Variants in SYN3 observed in about 807,000 individuals in gnomAD.
SYN3 encodes the protein synapsin-3.
In SYN3, 35 loss-of-function variants were observed where a neutral mutation model predicts 65.8. That is an observed-to-expected ratio of 0.53 (90% CI 0.41 to 0.70). The LOEUF is 0.70. Ranked by LOEUF, SYN3 falls within the 30% of genes least tolerant of loss-of-function variation. The probability of loss-of-function intolerance (pLI) is 0.00; values close to 1 mark genes in which losing one functional copy is unlikely to be tolerated. For synonymous variants in SYN3, 270 were observed against 292.9 expected (o/e 0.92, Z 0.80); for missense variants, 680 against 749.0 (o/e 0.91, Z 1.08).
intron 4 of SYN3, among the ~76,000 whole-genome samples, chr22:32,872,640 G>T (rs1291965313): frequency 6.6e-6 from 1 of 152,198 alleles, no homozygotes; most frequent in Admixed American, 6.5e-5. Context: ...CTTCTTGAAA[G>T]TCTAGGGTAT....
At chr22:32,940,376 T>C (rs528461616) in intron 3 of SYN3, among the ~76,000 whole-genome samples, 36 of 96,042 alleles carry the variant, frequency 3.7e-4, no homozygotes, top group African/African-American at 1.3e-3. Context: ...ATATATGAAG[T>C]ACAATTTAGT....
chr22:32,620,920 A>G (rs1341049794), intron 6 of SYN3, among the ~76,000 whole-genome samples: 1 of 146,548 alleles, frequency 6.8e-6, no homozygotes, highest in Non-Finnish European at 1.5e-5. Context: ...GGGTTTCACC[A>G]TATTGGCCAG....
chr22:32,849,268 C>T (rs554501648), intron 6 of SYN3, among the ~76,000 whole-genome samples: 55 of 152,188 alleles, frequency 3.6e-4, no homozygotes, highest in Middle Eastern at 6.8e-3. Flanking sequence ...GTTTCTTTTT[C>T]CTCCAACCTC....
intron 3 of SYN3, among the ~76,000 whole-genome samples, chr22:32,956,694 G>A (rs1342626951): frequency 6.6e-6 from 1 of 152,092 alleles, no homozygotes; most frequent in South Asian, 2.1e-4. Flanking sequence ...TGGACATCTG[G>A]GTTGTTTCCA....
intron 3 of SYN3, among the ~76,000 whole-genome samples, chr22:32,978,724 C>A (rs542991173): frequency 6.6e-6 from 1 of 152,318 alleles, no homozygotes; most frequent in East Asian, 1.9e-4. Flanking sequence ...TTCTTACTAG[C>A]TGTGTGACCT....
At chr22:33,036,872 G>C (rs562193111) in intron 1 of SYN3, among the ~76,000 whole-genome samples, 2 of 151,960 alleles carry the variant, frequency 1.3e-5, no homozygotes, top group East Asian at 3.9e-4. Flanking sequence ...TGTATTTTTA[G>C]TAGAGACGGG....
At chr22:32,873,564 C>G (rs2048908173) in intron 4 of SYN3, among the ~76,000 whole-genome samples, 1 of 152,118 alleles carries the variant, frequency 6.6e-6, no homozygotes, top group Non-Finnish European at 1.5e-5. Context: ...AGAAACAGAG[C>G]CCATGCGGAA....
At chr22:32,589,050 A>C (rs886639436) in intron 7 of SYN3, among the ~76,000 whole-genome samples, 8 of 152,164 alleles carry the variant, frequency 5.3e-5, no homozygotes, top group Admixed American at 5.2e-4. Flanking sequence ...TATAAATATG[A>C]CTGAAACACT....
intron 6 of SYN3, among the ~76,000 whole-genome samples, chr22:32,636,873 G>T (rs1217383528): frequency 6.6e-6 from 1 of 152,172 alleles, no homozygotes; most frequent in Admixed American, 6.5e-5. Flanking sequence ...AGATTAGACA[G>T]GTGGCTTTCA....
chr22:32,717,414 T>C (rs1164253238), intron 6 of SYN3, among the ~76,000 whole-genome samples: 4 of 152,218 alleles, frequency 2.6e-5, no homozygotes, highest in Middle Eastern at 3.2e-3. Flanking sequence ...GCCCCAGCCA[T>C]GGTGATCTGG....
chr22:32,558,209 G>C (rs959592587), intron 7 of SYN3, among the ~76,000 whole-genome samples: 3 of 152,212 alleles, frequency 2.0e-5, no homozygotes, highest in African/African-American at 4.8e-5. Context: ...GAGGAGTTAG[G>C]AGGAAAATTA....
intron 1 of SYN3, among the ~76,000 whole-genome samples, chr22:33,043,831 G>A (rs571912261): frequency 6.6e-6 from 1 of 152,256 alleles, no homozygotes; most frequent in African/African-American, 2.4e-5. Flanking sequence ...GAGGCAGGCA[G>A]ATCATGAGGT....
In SYN3 at chr22:32,699,578, T is replaced by G. The variant is rs560318002; in HGVS notation, c.712-102842A>C. Reference sequence around the variant, plus strand: ...GTTAGGCTCTACCATGGACTCACTGTGTGACCTTGACCAAGTCACATTGCT... The same window carrying G: ...GTTAGGCTCTACCATGGACTCACTGGGTGACCTTGACCAAGTCACATTGCT... On this transcript the variant is annotated intron_variant, in intron 6 of 13. Transcript: ENST00000358763. 6.8e-5 allele frequency among the ~76,000 whole-genome samples: 9 copies of G among 131,432 alleles called. No individual in the cohort carries two copies. The South Asian group carries it at 2.6e-3, about 37-fold the overall frequency. The allele number at this position is 131,432 out of a possible 152,430, so 86.2% of individuals were successfully genotyped here.
chr22:32,664,147 C>G (rs1416221912), intron 6 of SYN3, among the ~76,000 whole-genome samples: 1 of 152,184 alleles, frequency 6.6e-6, no homozygotes, highest in Non-Finnish European at 1.5e-5. Context: ...GTAGATAAAC[C>G]AAGACTGGTG....
chr22:32,856,430 G>C (rs2048368226), intron 6 of SYN3, among the ~76,000 whole-genome samples: 1 of 152,086 alleles, frequency 6.6e-6, no homozygotes, highest in Non-Finnish European at 1.5e-5. Flanking sequence ...GTAGATCAGT[G>C]ACCGGCCACT....
chr22:32,645,907 G>T (rs1435120618), intron 6 of SYN3, among the ~76,000 whole-genome samples: 2 of 142,122 alleles, frequency 1.4e-5, no homozygotes, highest in Admixed American at 7.1e-5. Flanking sequence ...TTTGGGGGTT[G>T]GGGTGGGGTG....
chr22:32,660,787 G>A (rs1190048795), intron 6 of SYN3, among the ~76,000 whole-genome samples: 7 of 152,320 alleles, frequency 4.6e-5, no homozygotes, highest in African/African-American at 1.7e-4. Context: ...CCCAGAGCAA[G>A]GATTAAGGGT....
intron 6 of SYN3, among the ~76,000 whole-genome samples, chr22:32,671,092 GTGA>G (rs1340422187): frequency 1.3e-5 from 2 of 152,208 alleles, no homozygotes; most frequent in Non-Finnish European, 1.5e-5. Flanking sequence ...TATCTGTCAA[GTGA>G]TGATGTTAAA....
intron 6 of SYN3, among the ~76,000 whole-genome samples, chr22:32,847,747 T>C (rs920566578): frequency 6.6e-6 from 1 of 152,240 alleles, no homozygotes; most frequent in African/African-American, 2.4e-5. Flanking sequence ...CAAGCATTTA[T>C]TGAGTATCTA....
Sources: allele counts gnomAD v4.1 joint callset (sites outside exome capture counted in the v4.1 genomes callset), GRCh38; gene constraint gnomAD v4.1.1; transcripts MANE v1.5; gene names NCBI Gene and HGNC (gene_info 2026-07-23, HGNC 2026-07-21).